NMT2: variants seen among roughly 807,000 people sequenced by gnomAD.
The protein encoded by NMT2 is glycylpeptide N-tetradecanoyltransferase 2.
In NMT2, 35 loss-of-function variants were observed where a neutral mutation model predicts 65.4. That is an observed-to-expected ratio of 0.54 (90% CI 0.41 to 0.71). NMT2 has a LOEUF of 0.71. Ranked by LOEUF, NMT2 falls within the 30% of genes least tolerant of loss-of-function variation. NMT2 has a pLI of 0.00. For synonymous variants in NMT2, 226 were observed against 231.8 expected (o/e 0.98, Z 0.23); for missense variants, 489 against 611.3 (o/e 0.80, Z 2.11).
chr10:15,107,297 A>G lies in NMT2; in HGVS notation c.*1898T>C. The stretch of plus-strand genomic sequence containing the variant: ...TACACAAAAATAAGCAATGGGCTGG[A>G]TTTAGCCCACAGGCCATAGTTTGGT... On this transcript the variant is annotated 3_prime_UTR_variant, in exon 12 of 12. Transcript: ENST00000378165. 1.0e-6 allele frequency: 1 copy of G among 953,806 alleles called. No individual in the cohort carries two copies. The highest frequency in any genetic ancestry group is 1.2e-6 in the Non-Finnish European group (1 of 801,128). The allele number at this position is 953,806 out of a possible 1,614,324, so 59.1% of individuals were successfully genotyped here.
intron 2 of NMT2, among the ~76,000 whole-genome samples, chr10:15,138,109 C>A (rs10906835): frequency 0.17 from 25,018 of 149,608 alleles, 2,459 homozygotes; most frequent in South Asian, 0.27. Flanking sequence ...CTCCTGGGTT[C>A]AAGTGATTCT....
At chr10:15,150,616 T>C (rs1267595532) in intron 1 of NMT2, among the ~76,000 whole-genome samples, 1 of 152,098 alleles carries the variant, frequency 6.6e-6, no homozygotes, top group Non-Finnish European at 1.5e-5. Context: ...CAGTAAGTCA[T>C]GGACAAGCCC....
chr10:15,141,658 C>A (rs1846770807), intron 1 of NMT2, 101 bp from the exon 2 acceptor site: 10 of 1,390,546 alleles, frequency 7.2e-6, no homozygotes, highest in East Asian at 2.5e-5. Flanking sequence ...ACAGCTGTTA[C>A]ATGCAGTAGA....
intron 1 of NMT2, among the ~76,000 whole-genome samples, chr10:15,149,320 TCAC>T (rs1398322185): frequency 2.7e-5 from 4 of 147,968 alleles, no homozygotes; most frequent in Middle Eastern, 3.6e-3. Context: ...ATCACCATCA[TCAC>T]CACCATCACA....
chr10:15,145,172 T>G (rs1458106514), intron 1 of NMT2, among the ~76,000 whole-genome samples: 2 of 152,160 alleles, frequency 1.3e-5, no homozygotes, highest in African/African-American at 4.8e-5. Flanking sequence ...ATTGTATAAT[T>G]CCATGTCTAT....
chr10:15,131,917 G>A (rs1846300203), intron 6 of NMT2, among the ~76,000 whole-genome samples: 1 of 151,982 alleles, frequency 6.6e-6, no homozygotes, highest in Non-Finnish European at 1.5e-5. Flanking sequence ...CCATGCTGGA[G>A]TGCAGTGGTA....
At chr10:15,158,937 C>T (rs570099362) in intron 1 of NMT2, among the ~76,000 whole-genome samples, 1 of 152,278 alleles carries the variant, frequency 6.6e-6, no homozygotes, top group African/African-American at 2.4e-5. Flanking sequence ...AAGGTGCCAC[C>T]TCCAGACACC....
intron 9 of NMT2, among the ~76,000 whole-genome samples, chr10:15,117,600 A>G (rs1845787473): frequency 6.6e-6 from 1 of 152,212 alleles, no homozygotes; most frequent in South Asian, 2.1e-4. Flanking sequence ...GAAGCAATAA[A>G]GCTGTCCCTA....
chr10:15,138,004 C>CTTTTTTTTTTTTTTTT (rs374744946), intron 2 of NMT2, among the ~76,000 whole-genome samples: 18 of 128,140 alleles, frequency 1.4e-4, no homozygotes, highest in South Asian at 5.0e-4. Flanking sequence ...TCTTCTTCTT[C>CTTTTTTTTTTTTTTTT]TTTTTTTTTT....
chr10:15,135,340 T>A lies in NMT2; in HGVS notation c.325A>T (p.Arg109Trp). 1.2e-6 allele frequency: 2 copies of A among 1,614,198 alleles called. No homozygotes were observed. Among genetic ancestry groups the A allele is most frequent in the Non-Finnish European group, 1.7e-6 (2 of 1,180,014 alleles). The change falls in exon 3 of 12, where the codon AGG (arginine) becomes TGG (tryptophan). Residue 109 changes from arginine to tryptophan, a missense_variant. By Grantham distance (101) the Arg-to-Trp change is moderately radical. Transcript: ENST00000378165. ...TGCTTTGCAGCCTCATCAATGTTCC[T>A]GGCTGGGCCCTGGCATGCGGATAGC... ...ELLSACQGPARNIDEAAKHRY... is the reference protein window; with the variant it reads ...ELLSACQGPAWNIDEAAKHRY...
intron 9 of NMT2, among the ~76,000 whole-genome samples, chr10:15,115,910 C>T (rs2131487047): frequency 6.6e-6 from 1 of 152,254 alleles, no homozygotes; most frequent in Non-Finnish European, 1.5e-5. Context: ...ATGTGAGTAT[C>T]AAACAAGAGG....
chr10:15,167,562 C>T (rs763143923), intron 1 of NMT2, among the ~76,000 whole-genome samples: 1 of 152,176 alleles, frequency 6.6e-6, no homozygotes, highest in Non-Finnish European at 1.5e-5. Context: ...TGTGCCAGCG[C>T]ATAGTTTGAA....
In NMT2 at chr10:15,141,455, A is replaced by G. The variant is rs1846760408; in HGVS notation, c.213T>C (p.Asp71=). 4.3e-6 allele frequency: 7 copies of G among 1,614,116 alleles called. No individual in the cohort carries two copies. The highest frequency in any genetic ancestry group is 1.7e-5 in the Admixed American group (1 of 60,006). ...GCTGCTGAATTTTAATCTCCTGGGAATCAGATGCCGAGTCTGACTTGGTGC... is the reference window on the plus strand; with the variant it reads ...GCTGCTGAATTTTAATCTCCTGGGAGTCAGATGCCGAGTCTGACTTGGTGC... ...SGGTKSDSAS[D]SQEIKIQQPS... is the part of the protein sequence containing the mutation. The change falls in exon 2 of 12, where the codon GAT becomes GAC. Residue 71 remains aspartate (D), a synonymous_variant. Coordinates refer to ENST00000378165, the MANE Select transcript of NMT2 (RefSeq NM_004808.3).
intron 1 of NMT2, among the ~76,000 whole-genome samples, chr10:15,148,049 T>C (rs577355669): frequency 6.6e-6 from 1 of 152,348 alleles, no homozygotes; most frequent in East Asian, 1.9e-4. Context: ...TAGGATGGTA[T>C]AGAAAGACAA....
Position 15,168,619 on chromosome 10 carries a change from G to T in NMT2, c.-7C>A, listed in dbSNP as rs369480393. The T allele has an allele frequency of 6.4e-7, 1 of 1,572,790 alleles. No homozygotes were observed. The highest frequency in any genetic ancestry group is 8.6e-7 in the Non-Finnish European group (1 of 1,166,166). ...ACTCGCTGTCCTCCGCCATCGCGGC[G>T]GCGCTGGCTGGGGAGGCGGTGCTCG... On this transcript the variant is annotated 5_prime_UTR_variant, in exon 1 of 12. Coordinates refer to ENST00000378165, the MANE Select transcript of NMT2 (RefSeq NM_004808.3).
rs1034503298 is a variant in NMT2, at chr10:15,122,423, C to CT, written c.1000-2911dup. ...TTTGGTCTTGGGACCCTTTTACACT[C>CT]TTTTTTTTTTTTGAGATGGAGTCTT... On this transcript the variant is annotated intron_variant, in intron 8 of 11. Transcript: ENST00000378165. 1.6e-3 allele frequency among the ~76,000 whole-genome samples: 240 copies of CT among 145,710 alleles called. 1 individual carries two copies. Among genetic ancestry groups the CT allele is most frequent in the East Asian group, 4.6e-3 (23 of 5,048 alleles).
chr10:15,135,542 C>T lies in NMT2; in HGVS notation c.247-124G>A, dbSNP rs112481579. On this transcript the variant is annotated intron_variant, in intron 2 of 11. Coordinates refer to ENST00000378165, the MANE Select transcript of NMT2 (RefSeq NM_004808.3). ...AACACTAACAATCCTCCTCCAAGCC[C>T]AGTCAAGGCCATGGGCTTGTGTGTT... 986 of 930,436 alleles carry T rather than the reference C, an allele frequency of 1.1e-3. 9 individuals carry two copies. In the African/African-American group the frequency reaches 0.015, roughly 14 times the overall value. The allele number at this position is 930,436 out of a possible 1,614,324, so 57.6% of individuals were successfully genotyped here. A position where few individuals can be genotyped will look rare whatever the true frequency, so the allele number is the denominator to read the frequency against.
At position 15,108,463 on chromosome 10, in the gene NMT2, G is replaced by A. The variant is rs558008875; in HGVS notation, c.*732C>T. 92 of 978,760 alleles carry A rather than the reference G, an allele frequency of 9.4e-5. No individual in the cohort carries two copies. The African/African-American group carries it at 1.4e-3, about 15-fold the overall frequency. The allele number at this position is 978,760 out of a possible 1,614,324, so 60.6% of individuals were successfully genotyped here. A position where few individuals can be genotyped will look rare whatever the true frequency, so the allele number is the denominator to read the frequency against. ...GCCTCCCAAAGTGCTGGGATTACAGGCGTGAGCCACCACGCCCGGCCTCAG... is the reference window on the plus strand; with the variant it reads ...GCCTCCCAAAGTGCTGGGATTACAGACGTGAGCCACCACGCCCGGCCTCAG... On this transcript the variant is annotated 3_prime_UTR_variant, in exon 12 of 12. Transcript: ENST00000378165.
At chr10:15,113,463 C>CAAAAAAAAAAAAAAAAAAAAAAAAA (rs1169255963) in intron 9 of NMT2, among the ~76,000 whole-genome samples, 9 of 37,004 alleles carry the variant, frequency 2.4e-4, no homozygotes, top group African/African-American at 8.3e-4. Context: ...GGATGAGACT[C>CAAAAAAAAAAAAAAAAAAAAAAAAA]AAAAAAAAAA....
Sources: allele counts gnomAD v4.1 joint callset (sites outside exome capture counted in the v4.1 genomes callset), GRCh38; gene constraint gnomAD v4.1.1; transcripts MANE v1.5; gene names NCBI Gene and HGNC (gene_info 2026-07-23, HGNC 2026-07-21).